KMT2E: variants seen among roughly 807,000 people sequenced by gnomAD.
The protein encoded by KMT2E is lysine methyltransferase 2E (inactive).
Under a neutral mutation model 184.6 loss-of-function variants are expected in KMT2E, and 30 were observed. The observed-to-expected ratio is 0.16, with a 90% confidence interval of 0.12 to 0.22. The LOEUF (loss-of-function observed/expected upper bound fraction) is 0.22. Among genes scored for constraint, KMT2E ranks in the 10% least tolerant of loss-of-function variants. The probability of loss-of-function intolerance (pLI) is 1.00; values close to 1 mark genes in which losing one functional copy is unlikely to be tolerated. For missense variants in KMT2E, 2,023 were observed against 2,237.4 expected (o/e 0.90, Z 1.93); for synonymous variants, 815 against 776.5 (o/e 1.05, Z -0.82).
chr7:105,069,023 T>C (rs1255973743), intron 6 of KMT2E, among the ~76,000 whole-genome samples: 1 of 152,148 alleles, frequency 6.6e-6, no homozygotes, highest in African/African-American at 2.4e-5. Flanking sequence ...TCAAGTCCTT[T>C]AAACAACACC....
chr7:105,111,527 G>T (rs1472062400), intron 26 of KMT2E, among the ~76,000 whole-genome samples: 2 of 151,886 alleles, frequency 1.3e-5, no homozygotes, highest in Admixed American at 1.3e-4. Context: ...CTCAAAAACA[G>T]GTTTCATTGC....
At chr7:105,108,863 T>C (rs1355984329) in intron 22 of KMT2E, 79 bp from the exon 23 acceptor site, 1 of 1,207,544 alleles carries the variant, frequency 8.3e-7, no homozygotes, top group East Asian at 2.6e-5. Flanking sequence ...TAATTCTCTT[T>C]AGACAAAAAA....
chr7:105,039,109 A>G (rs1292244860), intron 2 of KMT2E: 2 of 152,236 alleles, frequency 1.3e-5, no homozygotes, highest in East Asian at 3.9e-4. Flanking sequence ...CCAGAGCTGC[A>G]GTTTCATCTC....
rs1202287538 is a variant in KMT2E, at chr7:105,108,928, C to T, written c.3469-14C>T. 2 of 1,576,540 alleles carry T rather than the reference C, an allele frequency of 1.3e-6. No individual in the cohort carries two copies. The highest frequency in any genetic ancestry group is 1.1e-5 in the South Asian group (1 of 86,958). ...GAATAAAAGATTTGCTTTTTCTCAT[C>T]TTTCTTGCTTAAGGTTTCTCTATTA... On this transcript the variant is annotated splice_polypyrimidine_tract_variant and intron_variant, in intron 22 of 26. Transcript: ENST00000311117.
chr7:105,086,932 A>G (rs1415716285), intron 13 of KMT2E, among the ~76,000 whole-genome samples: 2 of 147,020 alleles, frequency 1.4e-5, no homozygotes, highest in South Asian at 2.1e-4. Flanking sequence ...TATGCTACAT[A>G]TAAGTATATA....
chr7:105,082,295 C>T (rs1797787202), intron 13 of KMT2E, among the ~76,000 whole-genome samples: 1 of 152,094 alleles, frequency 6.6e-6, no homozygotes, highest in Non-Finnish European at 1.5e-5. Context: ...GTACAGTTGG[C>T]CCTTGCACAA....
Position 105,113,271 on chromosome 7 carries a change from A to G in KMT2E, c.5515A>G (p.Ile1839Val), listed in dbSNP as rs140297932. The G allele has an allele frequency of 1.9e-5, 31 of 1,614,056 alleles. No individual in the cohort carries two copies. Among genetic ancestry groups the G allele is most frequent in the South Asian group, 1.2e-4 (11 of 91,094 alleles). The change falls in exon 27 of 27, where the codon ATT (isoleucine) becomes GTT (valine). Residue 1839 changes from isoleucine to valine, a missense_variant. Transcript: ENST00000311117. ...ATCTCCAGTGCCTGGACAGATTCCAATTCACAGAGCACAGGTGCCACCAAC... is the reference window on the plus strand; with the variant it reads ...ATCTCCAGTGCCTGGACAGATTCCAGTTCACAGAGCACAGGTGCCACCAAC... ...QASPVPGQIP[I>V]HRAQVPPTFQ...
chr7:105,052,173 T>C (rs949756624), intron 3 of KMT2E, among the ~76,000 whole-genome samples: 24 of 152,216 alleles, frequency 1.6e-4, no homozygotes, highest in African/African-American at 5.8e-4. Context: ...ACTATTCTCT[T>C]ATCTCACTAT....
chr7:105,038,176 C>T lies in KMT2E; in HGVS notation c.-138C>T, dbSNP rs1168589049. ...TGAAGACATTTATTCTTTCTTGGAC[C>T]TCAGATTTACCAGACATCTCATGGT... On this transcript the variant is annotated 5_prime_UTR_variant, in exon 2 of 27. Coordinates refer to ENST00000311117, the MANE Select transcript of KMT2E (RefSeq NM_182931.3). 1 of 152,100 alleles carries T rather than the reference C, an allele frequency of 6.6e-6. No individual in the cohort carries two copies. Among genetic ancestry groups the T allele is most frequent in the Non-Finnish European group, 1.5e-5 (1 of 68,022 alleles). The allele number at this position is 152,100 out of a possible 1,614,324, so 9.4% of individuals were successfully genotyped here. A position where few individuals can be genotyped will look rare whatever the true frequency, so the allele number is the denominator to read the frequency against.
In KMT2E at chr7:105,110,477, G is replaced by C; in HGVS notation, c.3845G>C (p.Gly1282Ala). Residue 1282 changes from glycine (G) to alanine (A), a missense_variant and splice_region_variant, in exon 25 of 27, where the codon GGG (glycine) becomes GCG (alanine). Physicochemically the swap from Gly to Ala is moderately conservative, Grantham distance 60 (BLOSUM62 0). Coordinates refer to ENST00000311117, the MANE Select transcript of KMT2E (RefSeq NM_182931.3). Reference sequence around the variant, plus strand: ...TGGGTCTGCTCTGCTTCATCTCTAGGGGGAGAATCACCATGTGTCTCATGT... The same window carrying C: ...TGGGTCTGCTCTGCTTCATCTCTAGCGGGAGAATCACCATGTGTCTCATGT... Reference protein sequence around the residue: ...LSDHRKDKDSGGESPCVSCSP... With the variant: ...LSDHRKDKDSAGESPCVSCSP... 6.2e-7 allele frequency: 1 copy of C among 1,614,038 alleles called. No homozygotes were observed. The highest frequency in any genetic ancestry group is 8.5e-7 in the Non-Finnish European group (1 of 1,180,012).
chr7:105,074,844 G>C (rs770603615), intron 8 of KMT2E, 29 bp downstream of exon 8: 4 of 1,548,680 alleles, frequency 2.6e-6, no homozygotes, highest in Non-Finnish European at 2.6e-6. Context: ...TTAGGTGAGT[G>C]GATAGGATAG....
intron 6 of KMT2E, among the ~76,000 whole-genome samples, chr7:105,072,420 C>G (rs1797361704): frequency 2.0e-5 from 3 of 152,190 alleles, no homozygotes. Flanking sequence ...GGATAATTAT[C>G]TGTGATGCTA....
intron 3 of KMT2E, among the ~76,000 whole-genome samples, chr7:105,042,129 T>C (rs1795908127): frequency 6.6e-6 from 1 of 152,142 alleles, no homozygotes; most frequent in Non-Finnish European, 1.5e-5. Flanking sequence ...TAGCTGGGAT[T>C]ACAGGTGCAT....
intron 13 of KMT2E, among the ~76,000 whole-genome samples, chr7:105,084,413 G>A (rs1017947469): frequency 3.3e-5 from 5 of 152,090 alleles, no homozygotes; most frequent in African/African-American, 1.2e-4. Flanking sequence ...ATTACTTGAG[G>A]CCAGGAGTTC....
chr7:105,094,781 T>G (rs1349663517), intron 15 of KMT2E, among the ~76,000 whole-genome samples: 1 of 152,206 alleles, frequency 6.6e-6, no homozygotes, highest in Non-Finnish European at 1.5e-5. Context: ...AGATATCACA[T>G]TCACATAACT....
chr7:105,082,884 TG>T (rs1366831711), intron 13 of KMT2E, among the ~76,000 whole-genome samples: 1 of 152,208 alleles, frequency 6.6e-6, no homozygotes, highest in Non-Finnish European at 1.5e-5. Flanking sequence ...AATGTAAATT[TG>T]TTTTTTGGCA....
chr7:105,111,726 T>A, intron 26 of KMT2E, 99 bp from the exon 27 acceptor site: 1 of 1,357,734 alleles, frequency 7.4e-7, no homozygotes, highest in South Asian at 1.5e-5. Context: ...CTGCCCCCCA[T>A]TAAAATTAAT....
intron 24 of KMT2E, 30 bp from the exon 25 acceptor site, chr7:105,110,445 TTC>T: frequency 6.2e-7 from 1 of 1,614,146 alleles, no homozygotes; most frequent in South Asian, 1.1e-5. Flanking sequence ...AGCTCTAATG[TTC>T]TCTTTGGGTC....
intron 1 of KMT2E, among the ~76,000 whole-genome samples, chr7:105,037,233 T>G (rs966147227): frequency 2.0e-5 from 3 of 152,228 alleles, no homozygotes; most frequent in Non-Finnish European, 2.9e-5. Context: ...AAATGGCTCT[T>G]TCCTCAAAGA....
Sources: allele counts gnomAD v4.1 joint callset (sites outside exome capture counted in the v4.1 genomes callset), GRCh38; gene constraint gnomAD v4.1.1; transcripts MANE v1.5; gene names NCBI Gene and HGNC (gene_info 2026-07-23, HGNC 2026-07-21).